The following NOM1 variants were observed in gnomAD, a reference collection of about 807,000 sequenced individuals.
The protein encoded by NOM1 is nucleolar MIF4G domain-containing protein 1.
In NOM1, 58 loss-of-function variants were observed where a neutral mutation model predicts 73.3. That is an observed-to-expected ratio of 0.79 (90% CI 0.64 to 0.99). NOM1 has a LOEUF of 0.99. NOM1 is among the 50% of genes least tolerant of loss of function. The pLI, the probability that NOM1 is intolerant of heterozygous loss-of-function variation, is 0.00. For missense variants in NOM1, 1,226 were observed against 1,131.9 expected (o/e 1.08, Z -1.19); for synonymous variants, 487 against 446.8 (o/e 1.09, Z -1.14).
chr7:156,968,470 A>G (rs969584946), intron 9 of NOM1, among the ~76,000 whole-genome samples: 3 of 151,936 alleles, frequency 2.0e-5, no homozygotes, highest in African/African-American at 7.3e-5. Context: ...CATTCCCGTC[A>G]CCATGCGTTT....
intron 5 of NOM1, 79 bp from the exon 6 acceptor site, chr7:156,962,929 A>C (rs530221883): frequency 6.8e-7 from 1 of 1,477,776 alleles, no homozygotes; most frequent in South Asian, 1.3e-5. Flanking sequence ...TCATGGTCAA[A>C]AACAAAAAGC....
chr7:156,967,222 T>A, intron 9 of NOM1, 130 bp downstream of exon 9: 1 of 1,118,890 alleles, frequency 8.9e-7, no homozygotes, highest in Non-Finnish European at 1.2e-6. Flanking sequence ...GTGCTTGCAT[T>A]ATCCTAGCCA....
At chr7:156,959,520 G>A (rs1804810871) in intron 3 of NOM1, among the ~76,000 whole-genome samples, 1 of 152,186 alleles carries the variant, frequency 6.6e-6, no homozygotes, top group South Asian at 2.1e-4. Context: ...GGGATTGCAG[G>A]TGTGAGCCAC....
At position 156,952,531 on chromosome 7, in the gene NOM1, A is replaced by G; in HGVS notation, c.1045A>G (p.Thr349Ala). ...IPPHVRQAEETVDFKKKEELE... is the reference protein window; with the variant it reads ...IPPHVRQAEEAVDFKKKEELE... ...ACCTCATGTGAGGCAAGCTGAGGAG[A>G]CAGTGGACTTCAAGAAAAAGGAAGA... Residue 349 changes from threonine (T) to alanine (A), a missense_variant, in exon 2 of 11, where the codon ACA becomes GCA. Transcript: ENST00000275820. 6.2e-7 allele frequency: 1 copy of G among 1,613,966 alleles called. No homozygotes were observed. The highest frequency in any genetic ancestry group is 8.5e-7 in the Non-Finnish European group (1 of 1,179,894).
rs1805176908 is a variant in NOM1, at chr7:156,973,041, C to G, written c.*3338C>G. 1 of 152,278 alleles carries G rather than the reference C, an allele frequency of 6.6e-6. No individual in the cohort carries two copies. Among genetic ancestry groups the G allele is most frequent in the South Asian group, 2.1e-4 (1 of 4,828 alleles). The allele number at this position is 152,278 out of a possible 1,614,324, so 9.4% of individuals were successfully genotyped here. A position where few individuals can be genotyped will look rare whatever the true frequency, so the allele number is the denominator to read the frequency against. On this transcript the variant is annotated 3_prime_UTR_variant, in exon 11 of 11. Coordinates refer to ENST00000275820, the MANE Select transcript of NOM1 (RefSeq NM_138400.2). ...TCAGTGTTATGTATGAACTTGTGGA[C>G]TTTACAATGCAGGTTGAGAACTGCT...
chr7:156,950,642 AAAGG>A lies in NOM1; in HGVS notation c.907_910del (p.Arg303GlyfsTer23). On this transcript the variant is annotated frameshift_variant, in exon 1 of 11. Coordinates refer to ENST00000275820, the MANE Select transcript of NOM1 (RefSeq NM_138400.2). LOFTEE classifies it high-confidence loss of function. Reference sequence around the variant, plus strand: ...GAAAAGGAAAAGGGAGCGCAGGAGAAAAGGAGGGGGAAGAGAGTCCGTTTTGCAG... The same window carrying A: ...GAAAAGGAAAAGGGAGCGCAGGAGAAAGGGGGAAGAGAGTCCGTTTTGCAG... The A allele has an allele frequency of 6.4e-7, 1 of 1,554,958 alleles. No homozygotes were observed. The highest frequency in any genetic ancestry group is 8.7e-7 in the Non-Finnish European group (1 of 1,148,606).
chr7:156,951,372 G>A (rs1461854290), intron 1 of NOM1, among the ~76,000 whole-genome samples: 1 of 152,162 alleles, frequency 6.6e-6, no homozygotes, highest in African/African-American at 2.4e-5. Context: ...GGGCGAGAGA[G>A]CCAGACTCTG....
intron 4 of NOM1, 123 bp from the exon 5 acceptor site, chr7:156,962,028 C>A: frequency 1.3e-6 from 1 of 758,020 alleles, no homozygotes. Context: ...AAAGGCTGTC[C>A]TGACTTTGTA....
rs1805098820 is a variant in NOM1, at chr7:156,969,791, GT to G, written c.*91del. On this transcript the variant is annotated 3_prime_UTR_variant, in exon 11 of 11. Coordinates refer to ENST00000275820, the MANE Select transcript of NOM1 (RefSeq NM_138400.2). Reference sequence around the variant, plus strand: ...CTTATTCTGTTGCCTGCGTGTGAATGTTTGGTAGAGCTATATCATTGTCTGT... The same window carrying G: ...CTTATTCTGTTGCCTGCGTGTGAATGTTGGTAGAGCTATATCATTGTCTGT... 8.0e-7 allele frequency: 1 copy of G among 1,256,122 alleles called. No individual in the cohort carries two copies. Among genetic ancestry groups the G allele is most frequent in the Non-Finnish European group, 1.1e-6 (1 of 923,296 alleles). 77.8% of individuals were successfully genotyped at this position (1,256,122 alleles called of 1,614,324 possible).
intron 3 of NOM1, 38 bp downstream of exon 3, chr7:156,954,336 C>G (rs751073884): frequency 4.0e-5 from 60 of 1,509,244 alleles, no homozygotes; most frequent in Non-Finnish European, 5.2e-5. Flanking sequence ...TCACTAGTGT[C>G]TCATGGTGAT....
Position 156,971,162 on chromosome 7 carries a change from TTCTC to T in NOM1, c.*1464_*1467del, listed in dbSNP as rs1805131399. On this transcript the variant is annotated 3_prime_UTR_variant, in exon 11 of 11. Transcript: ENST00000275820. ...TTTTCTCAGCCCTTCAATTTTGCTTTTCTCTCTCAAATGCTACAGACTCAATTTA... is the reference window on the plus strand; with the variant it reads ...TTTTCTCAGCCCTTCAATTTTGCTTTTCTCAAATGCTACAGACTCAATTTA... 1 of 152,240 alleles carries T rather than the reference TTCTC, an allele frequency of 6.6e-6. No homozygotes were observed. Among genetic ancestry groups the T allele is most frequent in the South Asian group, 2.1e-4 (1 of 4,832 alleles). 9.4% of individuals were successfully genotyped at this position (152,240 alleles called of 1,614,324 possible).
At chr7:156,969,286 A>G (rs536457545) in intron 10 of NOM1, 90 bp downstream of exon 10, 4 of 843,394 alleles carry the variant, frequency 4.7e-6, no homozygotes, top group South Asian at 1.5e-5. Flanking sequence ...AGGTTGTACT[A>G]TACGTGTAGC....
chr7:156,961,028 G>T (rs1804851519), intron 4 of NOM1, among the ~76,000 whole-genome samples: 1 of 152,150 alleles, frequency 6.6e-6, no homozygotes, highest in Non-Finnish European at 1.5e-5. Context: ...CTCCATTTTT[G>T]AAAGACTGGG....
chr7:156,959,154 G>A (rs1804800285), intron 3 of NOM1, among the ~76,000 whole-genome samples: 1 of 151,174 alleles, frequency 6.6e-6, no homozygotes, highest in Non-Finnish European at 1.5e-5. Context: ...CCAGGCTGGA[G>A]TACAGTGGCG....
In NOM1 at chr7:156,960,065, A is replaced by T. The variant is rs1804826318; in HGVS notation, c.1523A>T (p.Asn508Ile). 1.2e-6 allele frequency: 2 copies of T among 1,614,170 alleles called. No homozygotes were observed. Among genetic ancestry groups the T allele is most frequent in the Non-Finnish European group, 1.7e-6 (2 of 1,180,038 alleles). The change falls in exon 4 of 11, where the codon AAC (asparagine) becomes ATC (isoleucine). Residue 508 changes from asparagine (N) to isoleucine (I), a missense_variant. Transcript: ENST00000275820. ...GAACTGATCTTGTTAATGCTGAAAA[A>T]CGTGGGTTTTTCATTGAGGAAAGAT... The part of the protein sequence containing the change: ...DIELILLMLK[N>I]VGFSLRKDDA...
At chr7:156,959,106 CTT>C (rs5888696) in intron 3 of NOM1, among the ~76,000 whole-genome samples, 185 of 147,024 alleles carry the variant, frequency 1.3e-3, no homozygotes, top group Middle Eastern at 3.5e-3. Flanking sequence ...GGTAGTGGAA[CTT>C]TTTTTTTTTT....
At position 156,969,577 on chromosome 7, in the gene NOM1, T is replaced by C. The variant is rs114717898; in HGVS notation, c.2457T>C (p.Leu819=). ...GGGTGTTACGTGAGGGTTTGAAGCT[T>C]TTCATCAGCCACTTCTTGCTAAAGA... ...KLGVLREGLK[L]FISHFLLKNA... Residue 819 remains leucine (L), a synonymous_variant, in exon 11 of 11, where the codon CTT becomes CTC. Transcript: ENST00000275820. The C allele has an allele frequency of 3.0e-5, 48 of 1,614,058 alleles. No individual in the cohort carries two copies. In the African/African-American group the frequency reaches 6.1e-4, roughly 21 times the overall value.
rs747606319 is a variant in NOM1 at position 156,950,104 on chromosome 7, C to A, written c.367C>A (p.Arg123=). The change falls in exon 1 of 11, where the codon CGG becomes AGG. Residue 123 remains arginine (R), a synonymous_variant. Transcript: ENST00000275820. The part of the protein sequence containing the change: ...RSGAEEASGH[R]QDTEERARPA... Reference sequence around the variant, plus strand: ...CGGAGCCGAAGAAGCCAGCGGTCACCGGCAGGACACGGAGGAGCGCGCCCG... The same window carrying A: ...CGGAGCCGAAGAAGCCAGCGGTCACAGGCAGGACACGGAGGAGCGCGCCCG... The A allele has an allele frequency of 1.9e-6, 3 of 1,550,520 alleles. No homozygotes were observed. The highest frequency in any genetic ancestry group is 4.9e-5 in the East Asian group (2 of 41,144).
Position 156,962,214 on chromosome 7 carries a change from T to A in NOM1, c.1696T>A (p.Tyr566Asn), listed in dbSNP as rs765489056. The A allele has an allele frequency of 5.0e-6, 8 of 1,614,152 alleles. No homozygotes were observed. The South Asian group carries it at 8.8e-5, about 18-fold the overall frequency. Residue 566 changes from tyrosine (Y) to asparagine (N), a missense_variant, in exon 5 of 11, where the codon TAT (tyrosine) becomes AAT (asparagine). Tyr to Asn is a moderately radical substitution (Grantham distance 143). Coordinates refer to ENST00000275820, the MANE Select transcript of NOM1 (RefSeq NM_138400.2). ...CAATGACATGCGCAAAATTCCAGGC[T>A]ATGACCCCGAGCCCGTGGAGAAGCT... ...KNNDMRKIPG[Y>N]DPEPVEKLRK...
Sources: allele counts gnomAD v4.1 joint callset (sites outside exome capture counted in the v4.1 genomes callset), GRCh38; gene constraint gnomAD v4.1.1; transcripts MANE v1.5; gene names NCBI Gene and HGNC (gene_info 2026-07-23, HGNC 2026-07-21).